The following ABCF1 variants were observed in gnomAD, a reference collection of about 807,000 sequenced individuals.
ABCF1 encodes ATP-binding cassette sub-family F member 1.
In ABCF1, 73 loss-of-function variants were observed where a neutral mutation model predicts 126.3. That is an observed-to-expected ratio of 0.58 (90% confidence interval 0.48 to 0.70). The LOEUF (loss-of-function observed/expected upper bound fraction) is 0.70. ABCF1 is among the 30% of genes least tolerant of loss of function. ABCF1 has a pLI of 0.00. For missense variants in ABCF1, 786 were observed against 1,057.5 expected (o/e 0.74, Z 3.56); for synonymous variants, 345 against 396.4 (o/e 0.87, Z 1.54).
intron 22 of ABCF1, 55 bp downstream of exon 22, chr6:30,590,029 A>C: frequency 6.2e-7 from 1 of 1,607,356 alleles, no homozygotes; most frequent in Non-Finnish European, 8.5e-7. Flanking sequence ...CATGTCTACA[A>C]ACTGTACCTA....
chr6:30,578,071 A>G lies in ABCF1; in HGVS notation c.217-5A>G. On this transcript the variant is annotated splice_polypyrimidine_tract_variant and splice_region_variant and intron_variant, in intron 3 of 24. Coordinates refer to ENST00000326195, the MANE Select transcript of ABCF1 (RefSeq NM_001025091.2). ...ATTTTCTCACTGTTCTTTTGCTCTC[A>G]GCAGCAAAAAAAAAAGCGAGATACC... is the stretch of plus-strand genomic sequence containing the variant. 2 of 1,614,010 alleles carry G rather than the reference A, an allele frequency of 1.2e-6. No individual in the cohort carries two copies. The highest frequency in any genetic ancestry group is 1.7e-6 in the Non-Finnish European group (2 of 1,179,998).
At chr6:30,582,538 AG>A in intron 9 of ABCF1, 31 bp downstream of exon 9, 2 of 1,609,684 alleles carry the variant, frequency 1.2e-6, no homozygotes, top group Non-Finnish European at 1.7e-6. Context: ...GGTCAAAAGT[AG>A]GGGATTTTTA....
At position 30,577,870 on chromosome 6, in the gene ABCF1, T is replaced by G; in HGVS notation, c.173T>G (p.Val58Gly). 1.9e-6 allele frequency: 3 copies of G among 1,613,938 alleles called. No homozygotes were observed. Among genetic ancestry groups the G allele is most frequent in the Non-Finnish European group, 2.5e-6 (3 of 1,180,000 alleles). ...EDKQAGEEEK[V>G]LKEKEQQQQQ... The stretch of plus-strand genomic sequence containing the variant: ...AAACAGGCTGGGGAAGAAGAGAAAG[T>G]GCTCAAGGAGAAGGAGCAGCAGCAG... The change falls in exon 3 of 25, where the codon GTG becomes GGG. Residue 58 changes from valine (V) to glycine (G), a missense_variant. Val to Gly is a moderately radical substitution (Grantham distance 109). Transcript: ENST00000326195.
intron 1 of ABCF1, among the ~76,000 whole-genome samples, chr6:30,572,169 G>C (rs945106495): frequency 7.0e-6 from 1 of 143,736 alleles, no homozygotes; most frequent in African/African-American, 2.8e-5. Flanking sequence ...AAAACATGAA[G>C]ATATCCTCCC....
At position 30,586,653 on chromosome 6, in the gene ABCF1, G is replaced by A; in HGVS notation, c.1973G>A (p.Gly658Asp). The A allele has an allele frequency of 4.3e-6, 7 of 1,613,734 alleles. No homozygotes were observed. The highest frequency in any genetic ancestry group is 5.9e-6 in the Non-Finnish European group (7 of 1,180,016). ...TTCCATCTTGCAGTTTGCATTGTGG[G>A]CCCTAATGGTGTGGGGAAGAGTACG... ...IDMDSRICIV[G>D]PNGVGKSTLL... The change falls in exon 20 of 25, where the codon GGC (glycine) becomes GAC (aspartate). Residue 658 changes from glycine (G) to aspartate (D), a missense_variant. Transcript: ENST00000326195. The surrounding 1 kb of genome is among the most constrained non-coding windows in gnomAD (Gnocchi z 4.9).
chr6:30,586,612 T>C lies in ABCF1; in HGVS notation c.1961-29T>C. The C allele has an allele frequency of 6.2e-7, 1 of 1,613,350 alleles. No individual in the cohort carries two copies. Among genetic ancestry groups the C allele is most frequent in the South Asian group, 1.1e-5 (1 of 91,082 alleles). ...GCCACAGGGAGAGTCTCTGGGGACC[T>C]CTTTGACCACCTGTCTTCCATCTTG... On this transcript the variant is annotated intron_variant, in intron 19 of 24. Coordinates refer to ENST00000326195, the MANE Select transcript of ABCF1 (RefSeq NM_001025091.2). The surrounding 1 kb of genome is among the most constrained non-coding windows in gnomAD (Gnocchi z 4.9).
At chr6:30,585,743 G>A (rs1802084590) in intron 16 of ABCF1, 61 bp downstream of exon 16, 3 of 1,599,152 alleles carry the variant, frequency 1.9e-6, no homozygotes, top group Non-Finnish European at 2.6e-6. Context: ...GGCCTGAGTG[G>A]GAGGGCCTAT....
chr6:30,584,397 TCCTCTTCTC>T lies in ABCF1; in HGVS notation c.1243-16_1243-8del. 2 of 1,613,030 alleles carry T rather than the reference TCCTCTTCTC, an allele frequency of 1.2e-6. No individual in the cohort carries two copies. The highest frequency in any genetic ancestry group is 1.7e-6 in the Non-Finnish European group (2 of 1,180,004). ...GGTTCCTGGGACCCTCAGACGTGTG[TCCTCTTCTC>T]CCTCCTCCCAGGTGTATGAGGAATT... On this transcript the variant is annotated splice_polypyrimidine_tract_variant and intron_variant, in intron 13 of 24. Coordinates refer to ENST00000326195, the MANE Select transcript of ABCF1 (RefSeq NM_001025091.2). The surrounding 1 kb of genome is among the most constrained non-coding windows in gnomAD (Gnocchi z 4.6).
Position 30,584,074 on chromosome 6 carries a change from T to G in ABCF1, c.1103-118T>G. The G allele has an allele frequency of 6.8e-7, 1 of 1,464,138 alleles. No homozygotes were observed. The highest frequency in any genetic ancestry group is 9.2e-7 in the Non-Finnish European group (1 of 1,087,842). 90.7% of individuals were successfully genotyped at this position (1,464,138 alleles called of 1,614,324 possible). On this transcript the variant is annotated intron_variant, in intron 12 of 24. Coordinates refer to ENST00000326195, the MANE Select transcript of ABCF1 (RefSeq NM_001025091.2). The surrounding 1 kb of genome is among the most constrained non-coding windows in gnomAD (Gnocchi z 4.6). ...AATGAGGAACTTGAGAGTGTTTTAT[T>G]TGGAACAAGTACAAAGAGCTGGGCA...
chr6:30,578,210 A>T lies in ABCF1; in HGVS notation c.343+8A>T. The T allele has an allele frequency of 6.2e-7, 1 of 1,613,748 alleles. No individual in the cohort carries two copies. Among genetic ancestry groups the T allele is most frequent in the Non-Finnish European group, 8.5e-7 (1 of 1,179,904 alleles). On this transcript the variant is annotated splice_region_variant and intron_variant, in intron 4 of 24. Transcript: ENST00000326195. ...GTGATGAGGAGGATGAAGGTAAATG[A>T]CCTGAGGGGGAATGGGTACCTGGAA...
chr6:30,589,880 G>A lies in ABCF1; in HGVS notation c.2139G>A (p.Arg713=), dbSNP rs770099933. 1 of 1,614,190 alleles carries A rather than the reference G, an allele frequency of 6.2e-7. No individual in the cohort carries two copies. Among genetic ancestry groups the A allele is most frequent in the South Asian group, 1.1e-5 (1 of 91,080 alleles). The change falls in exon 22 of 25, where the codon CGG becomes CGA. Residue 713 remains arginine (R), a synonymous_variant. Transcript: ENST00000326195. The stretch of plus-strand genomic sequence containing the variant: ...AGACGCCCACTGAGTACCTGCAGCG[G>A]GGCTTCAACCTGCCCTACCAGGATG... ...MEETPTEYLQ[R]GFNLPYQDAR...
rs1027615075 is a variant in ABCF1, at chr6:30,574,226, G to T, written c.73+2666G>T. ...ATCTCAGCTCACTGCAGCCTCAATC[G>T]CAGGCTCAAGCCATCTTCCCTTGTA... is the stretch of plus-strand genomic sequence containing the variant. On this transcript the variant is annotated intron_variant, in intron 1 of 24. Coordinates refer to ENST00000326195, the MANE Select transcript of ABCF1 (RefSeq NM_001025091.2). This position sits in a 1 kb window ranked among gnomAD's most constrained non-coding sequence, Gnocchi z 4.3. Among the ~76,000 whole-genome samples the T allele has an allele frequency of 6.6e-6, 1 of 151,488 alleles. No homozygotes were observed. Among genetic ancestry groups the T allele is most frequent in the Non-Finnish European group, 1.5e-5 (1 of 67,900 alleles).
intron 1 of ABCF1, among the ~76,000 whole-genome samples, chr6:30,573,479 G>A (rs910031443): frequency 6.6e-6 from 1 of 152,194 alleles, no homozygotes; most frequent in Non-Finnish European, 1.5e-5. Flanking sequence ...TGCTGGATAT[G>A]GAAGAGTCCC....
In ABCF1 at chr6:30,583,889, G is replaced by A. The variant is rs1460584335; in HGVS notation, c.1101G>A (p.Gln367=). Residue 367 remains glutamine, a splice_region_variant and synonymous_variant, in exon 12 of 25, where the codon CAG becomes CAA. Transcript: ENST00000326195. The surrounding 1 kb of genome is among the most constrained non-coding windows in gnomAD (Gnocchi z 4.1). ...PPNIDVLLCE[Q]EVVADETPAV... is the part of the protein sequence containing the mutation. The stretch of plus-strand genomic sequence containing the variant: ...ACATTGATGTGTTGCTGTGTGAGCA[G>A]GGTGAGACCACTGGGGAGAAAAGGG... 6 of 1,613,674 alleles carry A rather than the reference G, an allele frequency of 3.7e-6. No individual in the cohort carries two copies. The Admixed American group carries it at 1.0e-4, about 27-fold the overall frequency.
At chr6:30,579,268 G>A (rs1801677679) in intron 6 of ABCF1, among the ~76,000 whole-genome samples, 1 of 152,066 alleles carries the variant, frequency 6.6e-6, no homozygotes, top group Admixed American at 6.6e-5. Context: ...TATCTAGTCT[G>A]AAGCTGGAGG....
chr6:30,585,119 G>A (rs1802040017), intron 14 of ABCF1, 141 bp from the exon 15 acceptor site: 5 of 766,138 alleles, frequency 6.5e-6, no homozygotes, highest in South Asian at 3.1e-5. Context: ...AAATTAAACC[G>A]TATCCTGCCC....
chr6:30,578,107 G>T lies in ABCF1; in HGVS notation c.248G>T (p.Arg83Met). 1 of 1,614,080 alleles carries T rather than the reference G, an allele frequency of 6.2e-7. No homozygotes were observed. Among genetic ancestry groups the T allele is most frequent in the Non-Finnish European group, 8.5e-7 (1 of 1,180,024 alleles). ...AAAAAGCGAGATACCCGAAAAGGCA[G>T]GCGGAAGAAGGATGTGGATGATGAT... ...QKKKRDTRKG[R>M]RKKDVDDDGE... Residue 83 changes from arginine (R) to methionine (M), a missense_variant, in exon 4 of 25, where the codon AGG (arginine) becomes ATG (methionine). Physicochemically the swap from Arg to Met is moderately conservative, Grantham distance 91 (BLOSUM62 -1). Transcript: ENST00000326195.
rs1421535959 is a variant in ABCF1 at position 30,578,376 on chromosome 6, G to T, written c.372G>T (p.Lys124Asn). The change falls in exon 5 of 25, where the codon AAG (lysine) becomes AAT (asparagine). Residue 124 changes from lysine (K) to asparagine (N), a missense_variant. Physicochemically the swap from Lys to Asn is moderately conservative, Grantham distance 94. Coordinates refer to ENST00000326195, the MANE Select transcript of ABCF1 (RefSeq NM_001025091.2). ...EVPAPKPRGGKKTKGGNVFAA... is the reference protein window; with the variant it reads ...EVPAPKPRGGNKTKGGNVFAA... The stretch of plus-strand genomic sequence containing the variant: ...CCGCCCCAAAACCCCGCGGAGGGAA[G>T]AAAACCAAGGTAAGCCATCTGTGTG... 2 of 1,614,114 alleles carry T rather than the reference G, an allele frequency of 1.2e-6. No homozygotes were observed. Among genetic ancestry groups the T allele is most frequent in the Admixed American group, 1.7e-5 (1 of 60,008 alleles).
chr6:30,588,792 G>A (rs1394684047), intron 20 of ABCF1, among the ~76,000 whole-genome samples: 1 of 152,074 alleles, frequency 6.6e-6, no homozygotes, highest in Non-Finnish European at 1.5e-5. Context: ...CTTTAGAAAG[G>A]TATTATTAGA....
Sources: gnomAD v4.1 joint callset for allele counts (sites outside exome capture counted in the v4.1 genomes callset) on GRCh38, gnomAD v4.1.1 for gene constraint, Gnocchi (gnomAD v3.1) non-coding constraint, MANE v1.5 for transcripts, NCBI Gene and HGNC (gene_info 2026-07-23, HGNC 2026-07-21) for gene names.